Variants in TDRD12 observed in about 807,000 individuals in gnomAD.
TDRD12 encodes the protein putative ATP-dependent RNA helicase TDRD12.
Under a neutral mutation model 133.5 loss-of-function variants are expected in TDRD12, and 158 were observed. The ratio of observed to expected loss-of-function variants is 1.18; its 90% confidence interval spans 1.04 to 1.35. TDRD12 has a LOEUF of 1.35. Ranked by LOEUF, TDRD12 falls within the 40% of genes most tolerant of loss-of-function variation. The pLI, the probability that TDRD12 is intolerant of heterozygous loss-of-function variation, is 0.00. For missense variants in TDRD12, 1,443 were observed against 1,321.3 expected (o/e 1.09, Z -1.43); for synonymous variants, 460 against 477.9 (o/e 0.96, Z 0.49).
chr19:32,721,365 G>A (rs1243376025), intron 1 of TDRD12, among the ~76,000 whole-genome samples: 1 of 151,692 alleles, frequency 6.6e-6, no homozygotes, highest in East Asian at 1.9e-4. Flanking sequence ...TTGTGGGATT[G>A]TTTTATTTTA....
At chr19:32,797,568 A>G (rs989119152) in intron 14 of TDRD12, among the ~76,000 whole-genome samples, 167 bp from the exon 15 acceptor site, 12 of 152,218 alleles carry the variant, frequency 7.9e-5, no homozygotes, top group African/African-American at 2.9e-4. Context: ...CAATGTGTCT[A>G]AATCTGTTTT....
chr19:32,826,232 T>C, downstream of TDRD12: 2 of 1,484,468 alleles, frequency 1.3e-6, no homozygotes, highest in Non-Finnish European at 1.8e-6. Context: ...GCGCAGGTCT[T>C]TCTTCTTCTA....
At chr19:32,728,439 C>A (rs1182901824) in intron 1 of TDRD12, among the ~76,000 whole-genome samples, 1 of 152,036 alleles carries the variant, frequency 6.6e-6, no homozygotes, top group African/African-American at 2.4e-5. Flanking sequence ...TTTCTTTCAG[C>A]AGCGTTTTAT....
At chr19:32,747,359 G>A (rs1489233278) in intron 4 of TDRD12, among the ~76,000 whole-genome samples, 1 of 152,060 alleles carries the variant, frequency 6.6e-6, no homozygotes, top group Non-Finnish European at 1.5e-5. Flanking sequence ...CTCTTGAATT[G>A]TTTAATATCT....
chr19:32,756,330 T>G (rs1020042659), intron 7 of TDRD12, 149 bp downstream of exon 7: 56 of 670,110 alleles, frequency 8.4e-5, no homozygotes, highest in Non-Finnish European at 1.1e-5. Flanking sequence ...TGTGACACAT[T>G]GTAAGGTCTT....
intron 3 of TDRD12, among the ~76,000 whole-genome samples, chr19:32,741,046 C>A (rs1969409807): frequency 6.6e-6 from 1 of 152,164 alleles, no homozygotes; most frequent in African/African-American, 2.4e-5. Flanking sequence ...AAGAGCAATA[C>A]CAAATAGACT....
chr19:32,741,880 C>T (rs1459178270), intron 3 of TDRD12, among the ~76,000 whole-genome samples: 1 of 151,828 alleles, frequency 6.6e-6, no homozygotes, highest in Non-Finnish European at 1.5e-5. Flanking sequence ...AGACCTGGAC[C>T]CTACAAAGAA....
chr19:32,806,830 T>G (rs984223106), intron 21 of TDRD12, among the ~76,000 whole-genome samples: 2 of 151,966 alleles, frequency 1.3e-5, no homozygotes, highest in Non-Finnish European at 2.9e-5. Flanking sequence ...CGCAGCTAAT[T>G]TTTGTATTTT....
At chr19:32,797,778 T>A in exon 15 of TDRD12, 1 of 701,302 alleles carries the variant, frequency 1.4e-6, no homozygotes, top group East Asian at 2.7e-5. Context: ...AAGGCCCAAT[T>A]TATTTTTGAA....
downstream of TDRD12, among the ~76,000 whole-genome samples, chr19:32,822,519 G>A (rs779010862): frequency 1.2e-4 from 19 of 152,184 alleles, no homozygotes; most frequent in Admixed American, 2.6e-4. Flanking sequence ...AGGCCAGGAC[G>A]GGCAGATCGT....
chr19:32,758,854 G>A (rs1301817035), intron 8 of TDRD12, among the ~76,000 whole-genome samples: 1 of 151,704 alleles, frequency 6.6e-6, no homozygotes, highest in Non-Finnish European at 1.5e-5. Flanking sequence ...AGAATTGCTT[G>A]AACTGGGAGG....
At chr19:32,747,908 A>C (rs755050361) in intron 4 of TDRD12, among the ~76,000 whole-genome samples, 8 of 152,072 alleles carry the variant, frequency 5.3e-5, no homozygotes, top group Non-Finnish European at 1.0e-4. Flanking sequence ...CTAGCTACTC[A>C]GGAGGCTGAG....
At chr19:32,770,330 G>A (rs1021185727) in intron 8 of TDRD12, among the ~76,000 whole-genome samples, 4 of 151,910 alleles carry the variant, frequency 2.6e-5, no homozygotes, top group Admixed American at 1.3e-4. Context: ...TCTATTGACC[G>A]TAATTTTCCT....
intron 16 of TDRD12, among the ~76,000 whole-genome samples, chr19:32,799,595 A>G (rs1360465125): frequency 6.6e-6 from 1 of 152,144 alleles, no homozygotes; most frequent in Non-Finnish European, 1.5e-5. Flanking sequence ...TTTTTATGCA[A>G]GAACATTAAT....
intron 16 of TDRD12, among the ~76,000 whole-genome samples, chr19:32,799,041 G>A (rs1167038398): frequency 6.6e-6 from 1 of 152,168 alleles, no homozygotes; most frequent in African/African-American, 2.4e-5. Flanking sequence ...TACGTGTGTG[G>A]CTACAGAACA....
rs1009558790 is a variant in TDRD12, at chr19:32,731,650, G to A, written c.25-75G>A. ...GTCACTTAAATTAGAAACAGTAATC[G>A]TGGCTCTAAAGTTTATTTTGTGGTA... On this transcript the variant is annotated intron_variant, in intron 1 of 27. Transcript: ENST00000444215. 1.2e-5 allele frequency: 16 copies of A among 1,296,852 alleles called. No individual in the cohort carries two copies. In the East Asian group the frequency reaches 1.9e-4, roughly 15 times the overall value. The allele number at this position is 1,296,852 out of a possible 1,614,324, so 80.3% of individuals were successfully genotyped here. A position where few individuals can be genotyped will look rare whatever the true frequency, so the allele number is the denominator to read the frequency against.
At chr19:32,816,260 C>T (rs898900996) in intron 26 of TDRD12, among the ~76,000 whole-genome samples, 1 of 152,158 alleles carries the variant, frequency 6.6e-6, no homozygotes, top group South Asian at 2.1e-4. Flanking sequence ...CTGAACATAC[C>T]TGTGTAACCA....
intron 1 of TDRD12, among the ~76,000 whole-genome samples, chr19:32,724,036 T>A (rs1252496113): frequency 6.6e-6 from 1 of 151,738 alleles, no homozygotes; most frequent in East Asian, 1.9e-4. Context: ...TAAAAAAAAT[T>A]TTTTTAGAGA....
chr19:32,777,153 T>C (rs780179373), exon 11 of TDRD12: 54 of 1,540,188 alleles, frequency 3.5e-5, no homozygotes, highest in Non-Finnish European at 4.6e-5. Context: ...TTCTAGTGCT[T>C]TAAGTCAGAA....
Sources: allele counts gnomAD v4.1 joint callset (sites outside exome capture counted in the v4.1 genomes callset), GRCh38; gene constraint gnomAD v4.1.1; transcripts MANE v1.5; gene names NCBI Gene and HGNC (gene_info 2026-07-23, HGNC 2026-07-21).